The following ATRN variants were observed in gnomAD, a reference collection of about 807,000 sequenced individuals.
The protein encoded by ATRN is attractin-2.
Under a neutral mutation model 178.7 loss-of-function variants are expected in ATRN, and 54 were observed. That is an observed-to-expected ratio of 0.30 (90% CI 0.24 to 0.38). ATRN has a LOEUF of 0.38. ATRN is among the 10% of genes least tolerant of loss of function. The pLI is 1.00. For missense variants in ATRN, 1,443 were observed against 1,815.1 expected, an observed-to-expected ratio of 0.79 and a Z score of 3.73; for synonymous variants, 636 against 663.0, an observed-to-expected ratio of 0.96 and a Z score of 0.63.
intron 19 of ATRN, among the ~76,000 whole-genome samples, chr20:3,593,194 A>G (rs1228876881): frequency 6.6e-6 from 1 of 152,114 alleles, no homozygotes; most frequent in Non-Finnish European, 1.5e-5. Context: ...GCTGCTATCT[A>G]GAAGCATCAC....
chr20:3,579,634 C>T (rs1001227879), intron 15 of ATRN, among the ~76,000 whole-genome samples: 1 of 152,192 alleles, frequency 6.6e-6, no homozygotes, highest in African/African-American at 2.4e-5. Flanking sequence ...CCAGTGCTCT[C>T]AGGGGGCTTA....
At chr20:3,631,917 C>T (rs187968592) in intron 25 of ATRN, among the ~76,000 whole-genome samples, 3 of 152,312 alleles carry the variant, frequency 2.0e-5, no homozygotes, top group African/African-American at 7.2e-5. Context: ...GACCTCTTTA[C>T]TGGTTCTTCC....
chr20:3,510,394 T>C (rs1004616251), intron 1 of ATRN, among the ~76,000 whole-genome samples: 1 of 152,232 alleles, frequency 6.6e-6, no homozygotes, highest in Non-Finnish European at 1.5e-5. Flanking sequence ...TATAAGTATG[T>C]GAAAGGATAC....
At chr20:3,593,501 C>T (rs3848810) in intron 19 of ATRN, among the ~76,000 whole-genome samples, 7,209 of 152,136 alleles carry the variant, frequency 0.047, 519 homozygotes, top group African/African-American at 0.16. Flanking sequence ...AAGTAGCATT[C>T]CCAGAGTGAC....
chr20:3,490,168 GTC>G, intron 1 of ATRN: 1 of 1,502,470 alleles, frequency 6.7e-7, no homozygotes, highest in South Asian at 1.1e-5. Flanking sequence ...GTACTGAATA[GTC>G]TCTGGGCTTG....
At chr20:3,615,408 G>A (rs1289085938) in intron 24 of ATRN, among the ~76,000 whole-genome samples, 3 of 146,224 alleles carry the variant, frequency 2.1e-5, no homozygotes, top group East Asian at 2.0e-4. Context: ...CAGCCTGAGC[G>A]ACAGAGCAAG....
chr20:3,615,656 A>G (rs1451967382), intron 24 of ATRN, among the ~76,000 whole-genome samples: 1 of 147,754 alleles, frequency 6.8e-6, no homozygotes, highest in Non-Finnish European at 1.5e-5. Flanking sequence ...CCTGGGTTCA[A>G]GTGATTCTCG....
chr20:3,600,914 T>C lies in ATRN; in HGVS notation c.3565-32T>C, dbSNP rs751483003. 3.8e-6 allele frequency: 6 copies of C among 1,561,316 alleles called. No homozygotes were observed. In the African/African-American group the frequency reaches 8.2e-5, roughly 21 times the overall value. On this transcript the variant is annotated intron_variant, in intron 22 of 28. Coordinates refer to ENST00000262919, the MANE Select transcript of ATRN (RefSeq NM_139321.3). ...TTTTAAAATCTAGAAATTGTTTTAATTAATTTTCTAATAATTTGTACCGCT... is the reference window on the plus strand; with the variant it reads ...TTTTAAAATCTAGAAATTGTTTTAACTAATTTTCTAATAATTTGTACCGCT...
Position 3,637,683 on chromosome 20 carries a change from C to T in ATRN, c.3943-1145C>T, listed in dbSNP as rs544127662. Among the ~76,000 whole-genome samples, 5 of 152,174 alleles carry T rather than the reference C, an allele frequency of 3.3e-5. No individual in the cohort carries two copies. In the East Asian group the frequency reaches 5.8e-4, roughly 18 times the overall value. ...GAACGGCCGTTCACCATGTGCTAGGCGCTGTGCTGTAGTATCTCATTTGAT... is the reference window on the plus strand; with the variant it reads ...GAACGGCCGTTCACCATGTGCTAGGTGCTGTGCTGTAGTATCTCATTTGAT... On this transcript the variant is annotated intron_variant, in intron 26 of 28. Coordinates refer to ENST00000262919, the MANE Select transcript of ATRN (RefSeq NM_139321.3).
At position 3,471,286 on chromosome 20, in the gene ATRN, G is replaced by A. The variant is rs2084416216; in HGVS notation, c.179G>A (p.Arg60Gln). Reference sequence around the variant, plus strand: ...CTGCTGTCTCCACCGCTGCGGCCACGGCTGCTGCTGCTGCTGTTGTTGCTC... The same window carrying A: ...CTGCTGTCTCCACCGCTGCGGCCACAGCTGCTGCTGCTGCTGTTGTTGCTC... ...PRLLSPPLRP[R>Q]LLLLLLLLSP... Residue 60 changes from arginine (R) to glutamine (Q), a missense_variant, in exon 1 of 29, where the codon CGG becomes CAG. By Grantham distance (43) the Arg-to-Gln change is conservative. This residue lies in a region of ATRN where 862 missense variants were observed against 972.1 expected (regional missense o/e 0.89). Coordinates refer to ENST00000262919, the MANE Select transcript of ATRN (RefSeq NM_139321.3). The A allele has an allele frequency of 1.4e-6, 2 of 1,469,730 alleles. No homozygotes were observed. The highest frequency in any genetic ancestry group is 1.8e-6 in the Non-Finnish European group (2 of 1,119,628). The allele number at this position is 1,469,730 out of a possible 1,614,324, so 91.0% of individuals were successfully genotyped here.
At chr20:3,627,427 C>T (rs1231229888) in intron 25 of ATRN, among the ~76,000 whole-genome samples, 1 of 151,752 alleles carries the variant, frequency 6.6e-6, no homozygotes, top group African/African-American at 2.4e-5. Flanking sequence ...GCTAATTAAA[C>T]CTAAAGAAGT....
chr20:3,520,871 T>A (rs754482906), intron 1 of ATRN, among the ~76,000 whole-genome samples: 4 of 152,072 alleles, frequency 2.6e-5, no homozygotes, highest in Non-Finnish European at 5.9e-5. Context: ...ACAAACAAAA[T>A]ATAGATGGAA....
intron 11 of ATRN, among the ~76,000 whole-genome samples, chr20:3,569,138 AC>A (rs1363566506): frequency 2.6e-5 from 4 of 152,234 alleles, no homozygotes; most frequent in African/African-American, 9.6e-5. Flanking sequence ...TTTTATAAGT[AC>A]GTGAATTTGC....
intron 3 of ATRN, among the ~76,000 whole-genome samples, chr20:3,542,398 A>G (rs1032218245): frequency 3.9e-5 from 6 of 152,164 alleles, no homozygotes; most frequent in Admixed American, 3.9e-4. Flanking sequence ...TGTGTATTTG[A>G]TAAACAGTGG....
At chr20:3,523,734 C>T (rs977881137) in intron 1 of ATRN, among the ~76,000 whole-genome samples, 1 of 152,182 alleles carries the variant, frequency 6.6e-6, no homozygotes, top group Non-Finnish European at 1.5e-5. Flanking sequence ...AGAAACCCTA[C>T]AAGCCAGAAG....
At chr20:3,620,591 A>G (rs1165324115) in intron 24 of ATRN, among the ~76,000 whole-genome samples, 1 of 152,192 alleles carries the variant, frequency 6.6e-6, no homozygotes, top group Non-Finnish European at 1.5e-5. Flanking sequence ...AGTGTGGCCT[A>G]TGGAGACTAG....
intron 24 of ATRN, among the ~76,000 whole-genome samples, chr20:3,618,869 G>A (rs235523): frequency 0.15 from 22,580 of 152,180 alleles, 1,818 homozygotes; most frequent in Non-Finnish European, 0.18. Flanking sequence ...TAAGAAAAAA[G>A]GAAGAGTTGT....
intron 15 of ATRN, among the ~76,000 whole-genome samples, chr20:3,580,874 T>C (rs1182777987): frequency 6.6e-6 from 1 of 152,198 alleles, no homozygotes; most frequent in African/African-American, 2.4e-5. Flanking sequence ...AAAAAGTATT[T>C]TTAATTGTCT....
intron 1 of ATRN, among the ~76,000 whole-genome samples, chr20:3,507,836 C>A (rs1275947495): frequency 6.6e-6 from 1 of 151,570 alleles, no homozygotes; most frequent in Non-Finnish European, 1.5e-5. Flanking sequence ...AGGCGCGCCA[C>A]CACGCTCAGC....
Sources: allele counts gnomAD v4.1 joint callset (sites outside exome capture counted in the v4.1 genomes callset), GRCh38; gene constraint gnomAD v4.1.1; regional missense constraint gnomAD v4.1.1; transcripts MANE v1.5; gene names NCBI Gene and HGNC (gene_info 2026-07-23, HGNC 2026-07-21).